AZGP1: variants seen among roughly 807,000 people sequenced by gnomAD.
AZGP1 encodes the protein alpha-2-glycoprotein 1, zinc-binding, also known as zinc-alpha-2-glycoprotein.
Under a neutral mutation model 31.5 loss-of-function variants are expected in AZGP1, and 28 were observed. The observed-to-expected ratio is 0.89, with a 90% CI of 0.66 to 1.22. The LOEUF (loss-of-function observed/expected upper bound fraction) is 1.22, where lower values mean the gene tolerates loss of function less well. Among genes scored for constraint, AZGP1 ranks in the 50% most tolerant of loss-of-function variants. The pLI, the probability that AZGP1 is intolerant of heterozygous loss-of-function variation, is 0.00. For missense variants in AZGP1, 361 were observed against 371.8 expected, an observed-to-expected ratio of 0.97 and a Z score of 0.24; for synonymous variants, 135 against 145.4, an observed-to-expected ratio of 0.93 and a Z score of 0.51.
intron 2 of AZGP1, among the ~76,000 whole-genome samples, chr7:99,970,743 A>G (rs2115682556): frequency 6.6e-6 from 1 of 152,142 alleles, no homozygotes; most frequent in East Asian, 1.9e-4. Context: ...TCCTTGAAAC[A>G]TCTGCCTATC....
At chr7:99,970,435 G>T (rs1404693814) in intron 2 of AZGP1, among the ~76,000 whole-genome samples, 1 of 151,814 alleles carries the variant, frequency 6.6e-6, no homozygotes, top group African/African-American at 2.4e-5. Flanking sequence ...TAGAGACAGG[G>T]TTTCACCATG....
chr7:99,971,564 G>A, intron 2 of AZGP1, 182 bp downstream of exon 2: 2 of 704,248 alleles, frequency 2.8e-6, no homozygotes, highest in Admixed American at 6.0e-5. Context: ...AATTGATGGG[G>A]AAGCGGGGAG....
intron 2 of AZGP1, 101 bp from the exon 3 acceptor site, chr7:99,968,531 G>A (rs182206029): frequency 1.2e-5 from 18 of 1,461,858 alleles, no homozygotes; most frequent in East Asian, 2.3e-5. Context: ...AAGAAATAAA[G>A]GTTTTTGCAA....
At position 99,968,193 on chromosome 7, in the gene AZGP1, T is replaced by G; in HGVS notation, c.575A>C (p.Lys192Thr). 6.2e-7 allele frequency: 1 copy of G among 1,613,884 alleles called. No individual in the cohort carries two copies. The highest frequency in any genetic ancestry group is 1.7e-5 in the Admixed American group (1 of 59,984). ...GATATTTTTGCTGTATTTCAGGTAT[T>G]TCCGCAGAGTCGCAGGGCACTCCTC... ...LEEECPATLR[K>T]YLKYSKNILD... The change falls in exon 3 of 4, where the codon AAA (lysine) becomes ACA (threonine). Residue 192 changes from lysine (K) to threonine (T), a missense_variant. Physicochemically the swap from Lys to Thr is moderately conservative, Grantham distance 78. Transcript: ENST00000292401.
intron 1 of AZGP1, among the ~76,000 whole-genome samples, chr7:99,975,063 ACTCT>A (rs755784739): frequency 6.6e-6 from 1 of 150,760 alleles, no homozygotes; most frequent in Non-Finnish European, 1.5e-5. Flanking sequence ...ATAAATCTCT[ACTCT>A]CTCTCTCTTT....
intron 2 of AZGP1, among the ~76,000 whole-genome samples, chr7:99,970,927 G>A (rs959038551): frequency 2.0e-5 from 3 of 152,186 alleles, no homozygotes; most frequent in African/African-American, 7.2e-5. Context: ...AAGAGCACTG[G>A]GCCGGGGGCA....
At chr7:99,971,474 G>A (rs1383623490) in intron 2 of AZGP1, 2 of 415,586 alleles carry the variant, frequency 4.8e-6, no homozygotes, top group Non-Finnish European at 8.7e-6. Flanking sequence ...GTGTGGAGGT[G>A]AGAGGTCATA....
At chr7:99,970,867 C>T (rs1049878923) in intron 2 of AZGP1, among the ~76,000 whole-genome samples, 1 of 152,242 alleles carries the variant, frequency 6.6e-6, no homozygotes, top group African/African-American at 2.4e-5. Context: ...ACCAGCAGTT[C>T]ACCAGACCTG....
chr7:99,967,300 G>A lies in AZGP1; in HGVS notation c.614-14C>T. ...CAGAGGGAGGATCTGTGGAGGGATA[G>A]AGTGTGACACTGCAGGCTTGAGGTG... On this transcript the variant is annotated splice_polypyrimidine_tract_variant and intron_variant, in intron 3 of 3. Transcript: ENST00000292401. The A allele has an allele frequency of 6.2e-7, 1 of 1,609,114 alleles. No individual in the cohort carries two copies. Among genetic ancestry groups the A allele is most frequent in the Non-Finnish European group, 8.5e-7 (1 of 1,177,722 alleles).
At chr7:99,972,068 A>G (rs900868529) in intron 1 of AZGP1, 62 bp from the exon 2 acceptor site, 36 of 1,509,546 alleles carry the variant, frequency 2.4e-5, no homozygotes, top group Non-Finnish European at 2.3e-5. Context: ...GGGGCTGCAT[A>G]GGGCTAGGAG....
intron 1 of AZGP1, among the ~76,000 whole-genome samples, chr7:99,974,564 G>A (rs1789629415): frequency 6.6e-6 from 1 of 152,100 alleles, no homozygotes; most frequent in Admixed American, 6.6e-5. Context: ...TCCTGCCTGG[G>A]TGACAGAGTG....
intron 1 of AZGP1, among the ~76,000 whole-genome samples, chr7:99,975,731 T>C (rs1317698406): frequency 1.3e-5 from 2 of 152,176 alleles, no homozygotes; most frequent in African/African-American, 4.8e-5. Flanking sequence ...GGGTTTTAGA[T>C]TCAGATTCCT....
At chr7:99,973,396 T>C (rs1202641972) in intron 1 of AZGP1, among the ~76,000 whole-genome samples, 1 of 152,112 alleles carries the variant, frequency 6.6e-6, no homozygotes, top group African/African-American at 2.4e-5. Flanking sequence ...AGAATCCTAG[T>C]TCAATTACTA....
intron 2 of AZGP1, among the ~76,000 whole-genome samples, chr7:99,968,960 C>A (rs71569526): frequency 1.7e-4 from 1 of 5,960 alleles, no homozygotes; most frequent in Non-Finnish European, 2.7e-4. Flanking sequence ...GAGACCCTAT[C>A]TCAAAAAAAA....
Position 99,966,904 on chromosome 7 carries a change from T to C in AZGP1, c.*99A>G. 1 of 1,488,602 alleles carries C rather than the reference T, an allele frequency of 6.7e-7. No individual in the cohort carries two copies. Among genetic ancestry groups the C allele is most frequent in the Non-Finnish European group, 9.1e-7 (1 of 1,098,292 alleles). The allele number at this position is 1,488,602 out of a possible 1,614,324, so 92.2% of individuals were successfully genotyped here. A position where few individuals can be genotyped will look rare whatever the true frequency, so the allele number is the denominator to read the frequency against. ...CCCCCACACTGCTCCTCAGGCCTTG[T>C]GGATCCATTGACTGTGATTTCTGTG... is the stretch of plus-strand genomic sequence containing the variant. On this transcript the variant is annotated 3_prime_UTR_variant, in exon 4 of 4. Transcript: ENST00000292401.
intron 1 of AZGP1, among the ~76,000 whole-genome samples, chr7:99,973,938 C>A (rs1460883436): frequency 7.1e-6 from 1 of 140,138 alleles, no homozygotes; most frequent in South Asian, 2.3e-4. Flanking sequence ...ATGAATAAGA[C>A]CTACTATTTG....
intron 2 of AZGP1, among the ~76,000 whole-genome samples, chr7:99,971,012 T>C (rs1170291746): frequency 6.6e-6 from 1 of 152,126 alleles, no homozygotes; most frequent in Non-Finnish European, 1.5e-5. Context: ...TGGGTCTGCA[T>C]CGTATGGTAA....
chr7:99,971,690 G>A, intron 2 of AZGP1, 56 bp downstream of exon 2: 1 of 1,563,240 alleles, frequency 6.4e-7, no homozygotes, highest in Non-Finnish European at 8.7e-7. Flanking sequence ...CACTCACACT[G>A]GGGGGGCTGC....
At chr7:99,967,380 G>T in intron 3 of AZGP1, 94 bp from the exon 4 acceptor site, 1 of 1,406,380 alleles carries the variant, frequency 7.1e-7, no homozygotes, top group Non-Finnish European at 9.6e-7. Flanking sequence ...TCAGCGATCA[G>T]CAGAGCTCGA....
Sources: allele counts gnomAD v4.1 joint callset (sites outside exome capture counted in the v4.1 genomes callset), GRCh38; gene constraint gnomAD v4.1.1; transcripts MANE v1.5; gene names NCBI Gene and HGNC (gene_info 2026-07-23, HGNC 2026-07-21).